The following ANKRD18A variants were observed in gnomAD, a reference collection of about 807,000 sequenced individuals.
ANKRD18A encodes ankyrin repeat domain-containing protein 18A.
In ANKRD18A, 72 loss-of-function variants were observed where a neutral mutation model predicts 110.6. The observed-to-expected ratio is 0.65, with a 90% CI of 0.54 to 0.79. The LOEUF (loss-of-function observed/expected upper bound fraction) is 0.79, where lower values mean the gene tolerates loss of function less well. Among genes scored for constraint, ANKRD18A ranks in the 30% least tolerant of loss-of-function variants. The pLI is 0.00. For synonymous variants in ANKRD18A, 305 were observed against 410.3 expected (o/e 0.74, Z 3.10); for missense variants, 934 against 1,163.3 (o/e 0.80, Z 2.87).
At chr9:38,603,316 C>T (rs1031355361) in intron 6 of ANKRD18A, 104 bp from the exon 7 acceptor site, 72 of 1,482,344 alleles carry the variant, frequency 4.9e-5, no homozygotes, top group Non-Finnish European at 6.1e-5. Context: ...ACCCTAAATC[C>T]TACCCATCTT....
rs759134291 is a variant in ANKRD18A at position 38,578,862 on chromosome 9, G to A, written c.2248-714C>T. On this transcript the variant is annotated intron_variant, in intron 12 of 15. Transcript: ENST00000399703. ...CACATCACTGCACTTCTTCCTGGAC[G>A]ATAGACAAAGACAATATCTCAAAAA... 5.3e-5 allele frequency among the ~76,000 whole-genome samples: 8 copies of A among 152,270 alleles called. No individual in the cohort carries two copies. The South Asian group carries it at 1.2e-3, about 24-fold the overall frequency.
At chr9:38,590,968 C>G (rs4097290) in intron 10 of ANKRD18A, among the ~76,000 whole-genome samples, 1 of 151,906 alleles carries the variant, frequency 6.6e-6, no homozygotes, top group Admixed American at 6.6e-5. Flanking sequence ...CTATACAAAA[C>G]GTTTTATTTA....
rs1296963024 is a variant in ANKRD18A, at chr9:38,603,229, C to A, written c.809-17G>T. The A allele has an allele frequency of 2.6e-6, 4 of 1,550,834 alleles. No individual in the cohort carries two copies. The highest frequency in any genetic ancestry group is 2.0e-5 in the Admixed American group (1 of 50,950). ...CTGCTGTTTCTGTCAAACATGCAAA[C>A]TTGTTAGATATTCCTTCTGGAAAAC... On this transcript the variant is annotated splice_polypyrimidine_tract_variant and intron_variant, in intron 6 of 15. Transcript: ENST00000399703.
rs529828358 is a variant in ANKRD18A, at chr9:38,588,495, T to C, written c.2117+56A>G. ...GTATCAAAGTTTTAGTCAAGTAAAG[T>C]TAGAGTTAAATCAATTACTAAATGG... is the stretch of plus-strand genomic sequence containing the variant. On this transcript the variant is annotated intron_variant, in intron 11 of 15. Transcript: ENST00000399703. The C allele has an allele frequency of 2.7e-6, 3 of 1,118,444 alleles. No homozygotes were observed. The East Asian group carries it at 9.4e-5, about 35-fold the overall frequency. 69.3% of individuals were successfully genotyped at this position (1,118,444 alleles called of 1,614,324 possible).
intron 1 of ANKRD18A, among the ~76,000 whole-genome samples, chr9:38,617,608 A>C (rs1825912266): frequency 6.6e-6 from 1 of 152,200 alleles, no homozygotes; most frequent in Non-Finnish European, 1.5e-5. Flanking sequence ...AAATTTTCAA[A>C]AGGGCAGTTA....
At chr9:38,580,955 G>A (rs537425701) in intron 12 of ANKRD18A, among the ~76,000 whole-genome samples, 6 of 152,276 alleles carry the variant, frequency 3.9e-5, no homozygotes, top group South Asian at 2.1e-4. Context: ...TGCCCCAGCC[G>A]AGGTTCCAGC....
intron 1 of ANKRD18A, among the ~76,000 whole-genome samples, chr9:38,619,684 G>T (rs1826003704): frequency 6.6e-6 from 1 of 152,148 alleles, no homozygotes; most frequent in Admixed American, 6.5e-5. Flanking sequence ...GCTTCCCAGT[G>T]TCCCTCTAAG....
chr9:38,587,462 T>C (rs1359794519), intron 11 of ANKRD18A, among the ~76,000 whole-genome samples: 1 of 152,152 alleles, frequency 6.6e-6, no homozygotes, highest in Non-Finnish European at 1.5e-5. Flanking sequence ...ATATATAAAA[T>C]TTATTTCTGT....
chr9:38,574,175 T>G (rs1036055367), intron 15 of ANKRD18A, among the ~76,000 whole-genome samples: 1 of 152,224 alleles, frequency 6.6e-6, no homozygotes, highest in African/African-American at 2.4e-5. Flanking sequence ...TGTTTCTGCG[T>G]TAGTTTCCTT....
chr9:38,571,820 A>G lies in ANKRD18A; in HGVS notation c.*225T>C. 8.4e-7 allele frequency: 1 copy of G among 1,187,394 alleles called. No homozygotes were observed. The highest frequency in any genetic ancestry group is 1.1e-6 in the Non-Finnish European group (1 of 952,186). 73.6% of individuals were successfully genotyped at this position (1,187,394 alleles called of 1,614,324 possible). On this transcript the variant is annotated 3_prime_UTR_variant, in exon 16 of 16. Coordinates refer to ENST00000399703, the MANE Select transcript of ANKRD18A (RefSeq NM_147195.4). ...GCTAAAAAACATCATTTAAAATAAC[A>G]TATAAATATACACCATATGTGACAT... is the stretch of plus-strand genomic sequence containing the variant.
At chr9:38,601,861 T>C (rs1199217157) in intron 7 of ANKRD18A, among the ~76,000 whole-genome samples, 5 of 151,852 alleles carry the variant, frequency 3.3e-5, no homozygotes, top group Admixed American at 3.3e-4. Flanking sequence ...TCTGTGCCTA[T>C]AGTCCCAGGT....
chr9:38,577,230 A>G lies in ANKRD18A; in HGVS notation c.2564T>C (p.Leu855Ser). 1 of 1,539,882 alleles carries G rather than the reference A, an allele frequency of 6.5e-7. No homozygotes were observed. Among genetic ancestry groups the G allele is most frequent in the Non-Finnish European group, 8.7e-7 (1 of 1,144,280 alleles). The change falls in exon 14 of 16, where the codon TTA becomes TCA. Residue 855 changes from leucine (L) to serine (S), a missense_variant. By Grantham distance (145) the Leu-to-Ser change is moderately radical. Transcript: ENST00000399703. The stretch of plus-strand genomic sequence containing the variant: ...TAGTGAAGCCGTATTATCCTTGTTT[A>G]ACTGCTCTAATTGTTTTTCATATTC... ...QAEYEKQLEQ[L>S]NKDNTASLKK...
intron 6 of ANKRD18A, among the ~76,000 whole-genome samples, 171 bp from the exon 7 acceptor site, chr9:38,603,383 A>G (rs770888996): frequency 1.2e-4 from 19 of 152,312 alleles, no homozygotes; most frequent in Non-Finnish European, 1.6e-4. Flanking sequence ...TCTAATGAAC[A>G]TACCAAATAC....
chr9:38,599,452 AC>A (rs1825029194), intron 8 of ANKRD18A, among the ~76,000 whole-genome samples: 1 of 151,726 alleles, frequency 6.6e-6, no homozygotes, highest in Admixed American at 6.6e-5. Flanking sequence ...CTTCAGTTGA[AC>A]TTTTTTGTAA....
chr9:38,610,192 ACC>A (rs1225825266), intron 5 of ANKRD18A, 79 bp downstream of exon 5: 1 of 1,420,978 alleles, frequency 7.0e-7, no homozygotes, highest in Admixed American at 3.2e-5. Context: ...ATGAACTGTC[ACC>A]TAATGTATAA....
At chr9:38,591,504 G>A in intron 10 of ANKRD18A, among the ~76,000 whole-genome samples, 1 of 152,278 alleles carries the variant, frequency 6.6e-6, no homozygotes, top group African/African-American at 2.4e-5. Context: ...TGCATGGTGA[G>A]CTACAGGTAA....
rs976891114 is a variant in ANKRD18A at position 38,616,035 on chromosome 9, T to G, written c.216A>C (p.Leu72=). 5.0e-6 allele frequency: 8 copies of G among 1,585,584 alleles called. No homozygotes were observed. The African/African-American group carries it at 1.1e-4, about 21-fold the overall frequency. ...CACGGCCATGGGCACAGGCCAAATG[T>G]AGAACAGTCCTAGGAGAGCGAGAGG... ...DARDRKDRTV[L]HLACAHGRVQ... The change falls in exon 2 of 16, where the codon CTA becomes CTC. Residue 72 remains leucine (L), a synonymous_variant. Coordinates refer to ENST00000399703, the MANE Select transcript of ANKRD18A (RefSeq NM_147195.4).
In ANKRD18A at chr9:38,603,177, T is replaced by C; in HGVS notation, c.844A>G (p.Arg282Gly). 2 of 1,551,030 alleles carry C rather than the reference T, an allele frequency of 1.3e-6. No individual in the cohort carries two copies. The highest frequency in any genetic ancestry group is 8.7e-7 in the Non-Finnish European group (1 of 1,146,560). Reference protein sequence around the residue: ...AAMKPANLKKRKERAKAEHNL... With the variant: ...AAMKPANLKKGKERAKAEHNL... ...GTCTTACCTTTTGCACGTTCTTTTC[T>C]TTTTTTCAAATTTGCAGGCTTCATA... is the stretch of plus-strand genomic sequence containing the variant. Residue 282 changes from arginine (R) to glycine (G), a missense_variant, in exon 7 of 16, where the codon AGA (arginine) becomes GGA (glycine). This residue lies in a region of ANKRD18A where 630 missense variants were observed against 797.5 expected (regional missense o/e 0.79). Coordinates refer to ENST00000399703, the MANE Select transcript of ANKRD18A (RefSeq NM_147195.4).
At position 38,601,194 on chromosome 9, in the gene ANKRD18A, G is replaced by A; in HGVS notation, c.873C>T (p.Asn291=). The part of the protein sequence containing the change: ...KRKERAKAEH[N]LKVASEEKQE... Reference sequence around the variant, plus strand: ...GCTTTTCCTCTGAAGCCACTTTTAGGTTGTGTTCTGCTGACAAATCCATAT... The same window carrying A: ...GCTTTTCCTCTGAAGCCACTTTTAGATTGTGTTCTGCTGACAAATCCATAT... The change falls in exon 8 of 16, where the codon AAC becomes AAT. Residue 291 remains asparagine, a synonymous_variant. Transcript: ENST00000399703. 1.3e-6 allele frequency: 2 copies of A among 1,556,942 alleles called. No individual in the cohort carries two copies. Among genetic ancestry groups the A allele is most frequent in the Non-Finnish European group, 1.7e-6 (2 of 1,149,476 alleles).
Sources: allele counts gnomAD v4.1 joint callset (sites outside exome capture counted in the v4.1 genomes callset), GRCh38; gene constraint gnomAD v4.1.1; regional missense constraint gnomAD v4.1.1; transcripts MANE v1.5; gene names NCBI Gene and HGNC (gene_info 2026-07-23, HGNC 2026-07-21).